Variants in GUCY1A2 observed in about 807,000 individuals in gnomAD.
GUCY1A2 encodes guanylate cyclase 1 soluble subunit alpha 2, also known as guanylate cyclase soluble subunit alpha-2.
GUCY1A2 carries 27 observed loss-of-function variants against 63.5 expected under a neutral mutation model. The ratio of observed to expected loss-of-function variants is 0.43; its 90% CI spans 0.31 to 0.59. The LOEUF is 0.59. Among genes scored for constraint, GUCY1A2 ranks in the 20% least tolerant of loss-of-function variants. The pLI, the probability that GUCY1A2 is intolerant of heterozygous loss-of-function variation, is 0.11. For missense variants in GUCY1A2, 768 were observed against 913.3 expected, an observed-to-expected ratio of 0.84 and a Z score of 2.05; for synonymous variants, 364 against 343.5, an observed-to-expected ratio of 1.06 and a Z score of -0.66.
At chr11:106,826,154 T>C (rs375979425) in intron 4 of GUCY1A2, among the ~76,000 whole-genome samples, 1 of 152,192 alleles carries the variant, frequency 6.6e-6, no homozygotes, top group South Asian at 2.1e-4. Context: ...CAGAAATAAA[T>C]AACTTAAGAT....
At chr11:106,984,191 T>C (rs1481562016) in intron 2 of GUCY1A2, among the ~76,000 whole-genome samples, 1 of 152,136 alleles carries the variant, frequency 6.6e-6, no homozygotes, top group African/African-American at 2.4e-5. Context: ...TGAGCAAAGG[T>C]ACTTCAAGTC....
At chr11:106,697,686 C>A (rs1862743733) in intron 7 of GUCY1A2, among the ~76,000 whole-genome samples, 1 of 151,960 alleles carries the variant, frequency 6.6e-6, no homozygotes, top group African/African-American at 2.4e-5. Context: ...CATGCTAAAC[C>A]TAAAAGTAAG....
At chr11:106,699,092 A>C (rs1178169046) in intron 7 of GUCY1A2, among the ~76,000 whole-genome samples, 2 of 152,192 alleles carry the variant, frequency 1.3e-5, no homozygotes, top group Non-Finnish European at 2.9e-5. Flanking sequence ...TTTGAGTTAG[A>C]TATTACTTGA....
rs759519048 is a variant in GUCY1A2 at position 106,819,208 on chromosome 11, G to A, written c.1207-8730C>T. Among the ~76,000 whole-genome samples, 112 of 152,136 alleles carry A rather than the reference G, an allele frequency of 7.4e-4. 1 individual carries two copies. The highest frequency in any genetic ancestry group is 1.4e-3 in the Non-Finnish European group (93 of 68,014). On this transcript the variant is annotated intron_variant, in intron 4 of 7. Transcript: ENST00000526355. ...GGCAAAGAAAGTGGTTTCTTGAGAA[G>A]CAACCTACTCCTGCTGAAGACTCAG...
intron 6 of GUCY1A2, among the ~76,000 whole-genome samples, chr11:106,766,968 C>T (rs1053283979): frequency 2.6e-5 from 4 of 151,928 alleles, no homozygotes; most frequent in African/African-American, 9.7e-5. Context: ...TTTACATAAA[C>T]GTCAGATAAA....
chr11:106,900,142 T>A (rs1860111184), intron 4 of GUCY1A2, among the ~76,000 whole-genome samples: 1 of 151,508 alleles, frequency 6.6e-6, no homozygotes, highest in African/African-American at 2.4e-5. Flanking sequence ...GTAAGATGCC[T>A]GATAACTGCA....
intron 4 of GUCY1A2, among the ~76,000 whole-genome samples, chr11:106,900,232 G>C (rs1248587378): frequency 2.6e-5 from 4 of 152,122 alleles, no homozygotes; most frequent in Non-Finnish European, 4.4e-5. Flanking sequence ...CACCCAGGCT[G>C]GAGTACAGCG....
In GUCY1A2 at chr11:106,749,460, C is replaced by A. The variant is rs533416894; in HGVS notation, c.1836+26979G>T. Among the ~76,000 whole-genome samples, 45 of 152,160 alleles carry A rather than the reference C, an allele frequency of 3.0e-4. 1 individual carries two copies. Among genetic ancestry groups the A allele is most frequent in the African/African-American group, 1.0e-3 (43 of 41,556 alleles). ...CTCCACCTCACAGCCTCTGCACCCA[C>A]CTCTGAGTTCAGCCATAGCTACTGG... On this transcript the variant is annotated intron_variant, in intron 6 of 7. Coordinates refer to ENST00000526355, the MANE Select transcript of GUCY1A2 (RefSeq NM_000855.3).
chr11:107,007,362 T>C (rs1004126967), intron 1 of GUCY1A2, among the ~76,000 whole-genome samples: 3 of 152,146 alleles, frequency 2.0e-5, no homozygotes, highest in South Asian at 4.1e-4. Flanking sequence ...ATAGTCTTAA[T>C]TTCAGATCGG....
intron 4 of GUCY1A2, among the ~76,000 whole-genome samples, chr11:106,894,460 A>T (rs113057333): frequency 2.3e-4 from 35 of 152,306 alleles, no homozygotes; most frequent in African/African-American, 8.4e-4. Context: ...TATAATGCAT[A>T]TCTAAAGGCT....
At chr11:106,975,188 C>T (rs779615389) in intron 3 of GUCY1A2, among the ~76,000 whole-genome samples, 45 of 152,156 alleles carry the variant, frequency 3.0e-4, no homozygotes, top group African/African-American at 1.0e-3. Context: ...AACTCTCCTA[C>T]TCACTTTGTC....
At chr11:106,880,847 G>A (rs1271901936) in intron 4 of GUCY1A2, among the ~76,000 whole-genome samples, 2 of 152,028 alleles carry the variant, frequency 1.3e-5, no homozygotes, top group Non-Finnish European at 2.9e-5. Context: ...TGTTGTGATT[G>A]TTTGTTTTGG....
chr11:106,942,145 C>T (rs1474394917), intron 3 of GUCY1A2, among the ~76,000 whole-genome samples: 1 of 152,192 alleles, frequency 6.6e-6, no homozygotes, highest in African/African-American at 2.4e-5. Context: ...GTTGAAACTG[C>T]TTTCATAAAT....
intron 1 of GUCY1A2, among the ~76,000 whole-genome samples, chr11:107,014,288 C>T (rs1188327046): frequency 6.6e-6 from 1 of 151,898 alleles, no homozygotes; most frequent in Non-Finnish European, 1.5e-5. Context: ...GGGGTTTCAC[C>T]ATGTTGACCA....
In GUCY1A2 at chr11:106,827,994, C is replaced by G. The variant is rs898591152; in HGVS notation, c.1207-17516G>C. 1.9e-5 allele frequency: 14 copies of G among 725,126 alleles called. No individual in the cohort carries two copies. In the Admixed American group the frequency reaches 3.1e-4, roughly 16 times the overall value. 44.9% of individuals were successfully genotyped at this position (725,126 alleles called of 1,614,324 possible). On this transcript the variant is annotated intron_variant, in intron 4 of 7. Coordinates refer to ENST00000526355, the MANE Select transcript of GUCY1A2 (RefSeq NM_000855.3). ...GAGGCGGTCACTTCCGGTGCCTTAT[C>G]CAGAGAATCCGACCTACGGGTGCTC...
chr11:106,885,207 AG>A (rs1859882151), intron 4 of GUCY1A2, among the ~76,000 whole-genome samples: 1 of 152,222 alleles, frequency 6.6e-6, no homozygotes, highest in African/African-American at 2.4e-5. Context: ...GCAATATTGC[AG>A]AAAAAGATAG....
intron 6 of GUCY1A2, chr11:106,746,474 C>A (rs756394861): frequency 7.0e-6 from 5 of 719,374 alleles, no homozygotes; most frequent in Admixed American, 2.4e-5. Context: ...AAGGATTATA[C>A]TCAAGGAAGT....
chr11:107,005,173 A>T (rs1341660000), intron 1 of GUCY1A2, among the ~76,000 whole-genome samples: 1 of 152,236 alleles, frequency 6.6e-6, no homozygotes, highest in Non-Finnish European at 1.5e-5. Flanking sequence ...CACATCACAC[A>T]AAACTAGAAA....
At chr11:106,977,014 C>A (rs1023339698) in intron 3 of GUCY1A2, among the ~76,000 whole-genome samples, 1 of 152,134 alleles carries the variant, frequency 6.6e-6, no homozygotes, top group Non-Finnish European at 1.5e-5. Context: ...GCCTTTAGCA[C>A]CCCAATATAA....
Sources: allele counts gnomAD v4.1 joint callset (sites outside exome capture counted in the v4.1 genomes callset), GRCh38; gene constraint gnomAD v4.1.1; transcripts MANE v1.5; gene names NCBI Gene and HGNC (gene_info 2026-07-23, HGNC 2026-07-21).